The following DGKB variants were observed in gnomAD, a reference collection of about 807,000 sequenced individuals.
DGKB encodes the protein diacylglycerol kinase beta.
A neutral mutation model predicts 114.3 loss-of-function variants in DGKB; 67 were observed. The ratio of observed to expected loss-of-function variants is 0.59; its 90% CI spans 0.48 to 0.72. The LOEUF (loss-of-function observed/expected upper bound fraction) is 0.72, where lower values mean the gene tolerates loss of function less well. Ranked by LOEUF, DGKB falls within the 30% of genes least tolerant of loss-of-function variation. The pLI is 0.00. For missense variants in DGKB, 907 were observed against 975.2 expected, an observed-to-expected ratio of 0.93 and a Z score of 0.93; for synonymous variants, 398 against 323.1, an observed-to-expected ratio of 1.23 and a Z score of -2.49.
intron 17 of DGKB, among the ~76,000 whole-genome samples, chr7:14,591,708 T>C (rs879390626): frequency 1.2e-4 from 18 of 152,122 alleles, no homozygotes; most frequent in Admixed American, 1.1e-3. Flanking sequence ...TAATGTTAAT[T>C]GTTCTTACCA....
At chr7:14,368,909 C>T (rs1817157354) in intron 21 of DGKB, among the ~76,000 whole-genome samples, 1 of 151,972 alleles carries the variant, frequency 6.6e-6, no homozygotes, top group Non-Finnish European at 1.5e-5. Context: ...AAGTTCTGGA[C>T]AGTGGTGCTG....
intron 25 of DGKB, among the ~76,000 whole-genome samples, chr7:14,169,910 G>A (rs1445866133): frequency 1.3e-5 from 2 of 152,018 alleles, no homozygotes; most frequent in Non-Finnish European, 2.9e-5. Context: ...CAAGGTGGGT[G>A]GATCACCTGA....
intron 4 of DGKB, among the ~76,000 whole-genome samples, chr7:14,748,100 T>C (rs1292833970): frequency 6.6e-6 from 1 of 152,190 alleles, no homozygotes; most frequent in Non-Finnish European, 1.5e-5. Flanking sequence ...TAATTTCTTT[T>C]GGTAGTTTTG....
At chr7:14,179,546 TACA>T (rs1161311907) in intron 23 of DGKB, among the ~76,000 whole-genome samples, 2 of 152,158 alleles carry the variant, frequency 1.3e-5, no homozygotes, top group Non-Finnish European at 2.9e-5. Context: ...ATCCACTTTG[TACA>T]GAAAGTGCTC....
At chr7:14,349,506 C>T (rs1211428559) in intron 21 of DGKB, among the ~76,000 whole-genome samples, 1 of 152,126 alleles carries the variant, frequency 6.6e-6, no homozygotes, top group Non-Finnish European at 1.5e-5. Flanking sequence ...CCAAGATATG[C>T]TCACTTTAGC....
chr7:14,249,041 C>T (rs906913503), intron 23 of DGKB, among the ~76,000 whole-genome samples: 1 of 152,000 alleles, frequency 6.6e-6, no homozygotes, highest in Non-Finnish European at 1.5e-5. Flanking sequence ...TGGTGAGCGT[C>T]TTTATTACAA....
At chr7:14,954,413 C>G (rs1361177432) in intron 1 of DGKB, among the ~76,000 whole-genome samples, 5 of 151,996 alleles carry the variant, frequency 3.3e-5, no homozygotes, top group African/African-American at 1.2e-4. Context: ...TCATGCAAAG[C>G]CTTGCAAGGC....
At chr7:14,873,312 G>A (rs1349706930) in intron 1 of DGKB, among the ~76,000 whole-genome samples, 2 of 152,012 alleles carry the variant, frequency 1.3e-5, no homozygotes, top group Admixed American at 6.6e-5. Flanking sequence ...ACTTGTTCAT[G>A]TATAAAAGAC....
chr7:14,831,076 T>C (rs899759416), intron 2 of DGKB, among the ~76,000 whole-genome samples: 1 of 151,832 alleles, frequency 6.6e-6, no homozygotes, highest in Non-Finnish European at 1.5e-5. Flanking sequence ...TGGATAAATA[T>C]AGAAAAGTGA....
chr7:14,206,570 AGTTT>A (rs1303701806), intron 23 of DGKB, among the ~76,000 whole-genome samples: 6 of 152,024 alleles, frequency 3.9e-5, no homozygotes, highest in Non-Finnish European at 8.8e-5. Flanking sequence ...CATGTTAAAG[AGTTT>A]GAACTTACAT....
intron 13 of DGKB, among the ~76,000 whole-genome samples, chr7:14,670,612 A>C (rs1818815111): frequency 1.3e-5 from 2 of 151,954 alleles, no homozygotes; most frequent in Admixed American, 6.6e-5. Context: ...GCCATGTTGT[A>C]CAATATTAGC....
chr7:14,602,559 A>T (rs1222763731), intron 17 of DGKB, among the ~76,000 whole-genome samples: 1 of 152,154 alleles, frequency 6.6e-6, no homozygotes, highest in Non-Finnish European at 1.5e-5. Context: ...GGCTTGAGGA[A>T]ACCAGCCAGC....
At chr7:14,419,600 T>A (rs1183451344) in intron 21 of DGKB, among the ~76,000 whole-genome samples, 1 of 150,576 alleles carries the variant, frequency 6.6e-6, no homozygotes, top group East Asian at 2.0e-4. Flanking sequence ...TGTGTTGAAA[T>A]GATTGAAGAT....
chr7:14,287,234 A>C (rs763581042), intron 23 of DGKB, among the ~76,000 whole-genome samples: 5 of 152,128 alleles, frequency 3.3e-5, no homozygotes, highest in Non-Finnish European at 7.4e-5. Context: ...AATATATCTG[A>C]TTTTAAAAAT....
intron 21 of DGKB, among the ~76,000 whole-genome samples, chr7:14,401,114 A>T (rs773090200): frequency 4.7e-4 from 71 of 152,002 alleles, no homozygotes; most frequent in Middle Eastern, 6.8e-3. Flanking sequence ...AATGTCTCTG[A>T]TTATTTTAAC....
chr7:14,418,310 T>C (rs1354157321), intron 21 of DGKB, among the ~76,000 whole-genome samples: 1 of 145,768 alleles, frequency 6.9e-6, no homozygotes, highest in Non-Finnish European at 1.5e-5. Context: ...TATGTATGTA[T>C]ATATGTATGT....
At chr7:14,652,320 G>A (rs568318574) in intron 13 of DGKB, among the ~76,000 whole-genome samples, 1 of 152,132 alleles carries the variant, frequency 6.6e-6, no homozygotes, top group Non-Finnish European at 1.5e-5. Flanking sequence ...TAATGGAACA[G>A]AACAGAGCCC....
chr7:14,240,856 G>A (rs190770330), intron 23 of DGKB, among the ~76,000 whole-genome samples: 13 of 152,194 alleles, frequency 8.5e-5, no homozygotes, highest in Admixed American at 6.6e-4. Context: ...TATTTAATAA[G>A]CACAGAGGTA....
intron 1 of DGKB, among the ~76,000 whole-genome samples, chr7:14,857,659 G>C (rs1850382704): frequency 6.6e-6 from 1 of 151,872 alleles, no homozygotes; most frequent in Admixed American, 6.6e-5. Flanking sequence ...CAAATATTCT[G>C]TTCAATAAAC....
Sources: allele counts gnomAD v4.1 joint callset (sites outside exome capture counted in the v4.1 genomes callset), GRCh38; gene constraint gnomAD v4.1.1; transcripts MANE v1.5; gene names NCBI Gene and HGNC (gene_info 2026-07-23, HGNC 2026-07-21).